Variants in TBC1D19 observed in about 807,000 individuals in gnomAD.
TBC1D19 encodes the protein TBC1 domain family, member 19.
TBC1D19 carries 60 observed loss-of-function variants against 89.0 expected under a neutral mutation model. The ratio of observed to expected loss-of-function variants is 0.67; its 90% CI spans 0.55 to 0.84. The LOEUF (loss-of-function observed/expected upper bound fraction) is 0.84. Ranked by LOEUF, TBC1D19 falls within the 40% of genes least tolerant of loss-of-function variation. The probability of loss-of-function intolerance (pLI) is 0.00; values close to 1 mark genes in which losing one functional copy is unlikely to be tolerated. For missense variants in TBC1D19, 500 were observed against 610.8 expected (o/e 0.82, Z 1.91); for synonymous variants, 189 against 199.7 (o/e 0.95, Z 0.45).
the TBC1D19 span, among the ~76,000 whole-genome samples, chr4:26,779,730 T>G: frequency 6.6e-6 from 1 of 152,224 alleles, no homozygotes. Flanking sequence ...GAACTTGATT[T>G]GTTTTTCATC....
chr4:26,661,708 G>C (rs114654084), intron 8 of TBC1D19, among the ~76,000 whole-genome samples: 1,715 of 152,232 alleles, frequency 0.011, 35 homozygotes, highest in African/African-American at 0.04. Flanking sequence ...CGATAACCTG[G>C]CCCCAGGTTC....
intron 6 of TBC1D19, among the ~76,000 whole-genome samples, chr4:26,639,792 A>C (rs1019197835): frequency 6.6e-6 from 1 of 152,222 alleles, no homozygotes; most frequent in South Asian, 2.1e-4. Flanking sequence ...GTTTAATACA[A>C]CTAGAGGAAT....
intron 16 of TBC1D19, 29 bp downstream of exon 16, chr4:26,735,516 G>GTA: frequency 6.5e-7 from 1 of 1,528,898 alleles, no homozygotes; most frequent in South Asian, 1.2e-5. Context: ...ACATCATAAT[G>GTA]TACACAAAAC....
At chr4:26,776,459 T>G in the TBC1D19 span, among the ~76,000 whole-genome samples, 1 of 152,202 alleles carries the variant, frequency 6.6e-6, no homozygotes, top group Non-Finnish European at 1.5e-5. Context: ...TTTTCCCAAT[T>G]TTGCACTATG....
At chr4:26,769,681 G>A in the TBC1D19 span, among the ~76,000 whole-genome samples, 2 of 151,760 alleles carry the variant, frequency 1.3e-5, no homozygotes, top group African/African-American at 4.8e-5. Flanking sequence ...GAGTAGTTGG[G>A]ACTACAGGTG....
chr4:26,763,314 G>A, the TBC1D19 span, among the ~76,000 whole-genome samples: 2 of 152,060 alleles, frequency 1.3e-5, no homozygotes, highest in East Asian at 3.9e-4. Flanking sequence ...TACCTCTCCA[G>A]CATTAAAATC....
intron 13 of TBC1D19, among the ~76,000 whole-genome samples, chr4:26,710,158 T>C (rs2109239814): frequency 6.6e-6 from 1 of 152,166 alleles, no homozygotes; most frequent in Admixed American, 6.5e-5. Flanking sequence ...ATTAGGTATA[T>C]CTCCTAATGC....
the TBC1D19 span, among the ~76,000 whole-genome samples, chr4:26,824,612 C>G: frequency 6.6e-6 from 1 of 151,888 alleles, no homozygotes; most frequent in South Asian, 2.1e-4. Flanking sequence ...ATAGTTTCCA[C>G]ATTATATTAC....
chr4:26,827,697 CT>C, the TBC1D19 span, among the ~76,000 whole-genome samples: 2 of 148,006 alleles, frequency 1.4e-5, no homozygotes, highest in African/African-American at 2.5e-5. Flanking sequence ...TTAGAGCTTT[CT>C]TTTTTTGTTT....
chr4:26,676,046 G>C (rs1321244604), intron 11 of TBC1D19, among the ~76,000 whole-genome samples: 1 of 152,090 alleles, frequency 6.6e-6, no homozygotes, highest in Non-Finnish European at 1.5e-5. Flanking sequence ...ATTTCAGTTT[G>C]CTAAATTAAA....
intron 15 of TBC1D19, among the ~76,000 whole-genome samples, chr4:26,721,731 C>T (rs1165646938): frequency 6.6e-6 from 1 of 152,096 alleles, no homozygotes; most frequent in African/African-American, 2.4e-5. Flanking sequence ...TAGTCTACCT[C>T]CTAGCTTCAT....
At chr4:26,682,646 G>T (rs996329252) in intron 11 of TBC1D19, among the ~76,000 whole-genome samples, 1 of 152,070 alleles carries the variant, frequency 6.6e-6, no homozygotes, top group East Asian at 1.9e-4. Flanking sequence ...GTGAAAGGAG[G>T]GATTTGGAGC....
intron 13 of TBC1D19, among the ~76,000 whole-genome samples, chr4:26,694,920 A>G (rs1170191721): frequency 6.6e-6 from 1 of 152,224 alleles, no homozygotes; most frequent in African/African-American, 2.4e-5. Context: ...GACCAAAGGT[A>G]GATAAAACCA....
intron 1 of TBC1D19, among the ~76,000 whole-genome samples, chr4:26,605,057 TTTA>T (rs999468953): frequency 6.6e-6 from 1 of 151,974 alleles, no homozygotes; most frequent in Non-Finnish European, 1.5e-5. Context: ...TTTTTATTTT[TTTA>T]TTATTATTAT....
chr4:26,606,258 C>G (rs1740992780), intron 1 of TBC1D19, among the ~76,000 whole-genome samples: 1 of 152,158 alleles, frequency 6.6e-6, no homozygotes, highest in Non-Finnish European at 1.5e-5. Flanking sequence ...GAAACTACAA[C>G]AGTGGAGAAC....
At chr4:26,693,796 T>C (rs1270879290) in intron 13 of TBC1D19, among the ~76,000 whole-genome samples, 1 of 152,052 alleles carries the variant, frequency 6.6e-6, no homozygotes, top group African/African-American at 2.4e-5. Flanking sequence ...AGACCGAAAT[T>C]CTGGCGTTGA....
chr4:26,599,939 C>G (rs73114618), intron 1 of TBC1D19, among the ~76,000 whole-genome samples: 7,463 of 104,512 alleles, frequency 0.071, 767 homozygotes, highest in African/African-American at 0.25. Context: ...CAAAGCAATA[C>G]TCTGTCTCTC....
At chr4:26,591,821 G>A (rs992769415) in intron 1 of TBC1D19, among the ~76,000 whole-genome samples, 5 of 152,150 alleles carry the variant, frequency 3.3e-5, no homozygotes, top group African/African-American at 9.7e-5. Context: ...GCCAATAACA[G>A]GCTCTGAAAT....
intron 3 of TBC1D19, among the ~76,000 whole-genome samples, chr4:26,616,071 G>A (rs536249476): frequency 6.6e-6 from 1 of 151,878 alleles, no homozygotes; most frequent in African/African-American, 2.4e-5. Flanking sequence ...TTTTTAAGCA[G>A]TCCAGTGATA....
Sources: allele counts gnomAD v4.1 joint callset (sites outside exome capture counted in the v4.1 genomes callset), GRCh38; gene constraint gnomAD v4.1.1; transcripts MANE v1.5; gene names NCBI Gene and HGNC (gene_info 2026-07-23, HGNC 2026-07-21).